Variants in SLC4A4 observed in about 807,000 individuals in gnomAD.
SLC4A4 encodes the protein solute carrier family 4 member 4.
SLC4A4 carries 27 observed loss-of-function variants against 111.5 expected under a neutral mutation model. The ratio of observed to expected loss-of-function variants is 0.24; its 90% CI spans 0.18 to 0.33. The LOEUF (loss-of-function observed/expected upper bound fraction) is 0.33, where lower values mean the gene tolerates loss of function less well. Among genes scored for constraint, SLC4A4 ranks in the 10% least tolerant of loss-of-function variants. The pLI is 1.00. For missense variants in SLC4A4, 909 were observed against 1,315.5 expected (o/e 0.69, Z 4.78); for synonymous variants, 443 against 463.4 (o/e 0.96, Z 0.57).
chr4:71,190,896 G>A (rs544491650), intron 1 of SLC4A4, among the ~76,000 whole-genome samples: 7 of 152,070 alleles, frequency 4.6e-5, no homozygotes, highest in African/African-American at 1.4e-4. Context: ...GAATATAGAC[G>A]GTTCCAGACT....
chr4:71,408,838 C>T (rs1480724825), intron 7 of SLC4A4, among the ~76,000 whole-genome samples: 1 of 152,058 alleles, frequency 6.6e-6, no homozygotes, highest in Non-Finnish European at 1.5e-5. Context: ...TGGCTGTGTC[C>T]CCACCCAAAT....
chr4:71,079,987 T>C (rs1031379049), intron 1 of SLC4A4, among the ~76,000 whole-genome samples: 6 of 152,004 alleles, frequency 3.9e-5, no homozygotes, highest in Non-Finnish European at 8.8e-5. Context: ...CTCCTGCCCG[T>C]GTGCTGCCAG....
chr4:71,066,201 A>G (rs894537840), intron 1 of SLC4A4, among the ~76,000 whole-genome samples: 1 of 152,224 alleles, frequency 6.6e-6, no homozygotes, highest in African/African-American at 2.4e-5. Flanking sequence ...TAACTTGGTC[A>G]AAGTAATAAT....
chr4:71,278,545 C>T (rs1361435819), intron 3 of SLC4A4, among the ~76,000 whole-genome samples: 1 of 152,108 alleles, frequency 6.6e-6, no homozygotes, highest in Non-Finnish European at 1.5e-5. Context: ...ATGGCTGTAC[C>T]AGTTTACATT....
intron 19 of SLC4A4, among the ~76,000 whole-genome samples, chr4:71,546,950 T>G (rs1735588388): frequency 6.6e-6 from 1 of 151,962 alleles, no homozygotes; most frequent in Admixed American, 6.6e-5. Flanking sequence ...CTGAGAAACT[T>G]TAACCTCCAG....
chr4:71,501,983 A>G (rs1036077185), intron 16 of SLC4A4, among the ~76,000 whole-genome samples: 2 of 151,380 alleles, frequency 1.3e-5, no homozygotes, highest in African/African-American at 4.9e-5. Flanking sequence ...TATTTTTGAG[A>G]TGGAGTCTTG....
chr4:71,125,111 T>A (rs746830291), intron 2 of SLC4A4, among the ~76,000 whole-genome samples: 2 of 152,210 alleles, frequency 1.3e-5, no homozygotes, highest in Non-Finnish European at 2.9e-5. Context: ...TTTCTATTTA[T>A]ATGTATCTGG....
chr4:71,324,740 A>G (rs534647545), intron 3 of SLC4A4, among the ~76,000 whole-genome samples: 26 of 152,178 alleles, frequency 1.7e-4, no homozygotes, highest in African/African-American at 5.5e-4. Context: ...ACGTTTTTGT[A>G]ATGTAAACCC....
intron 2 of SLC4A4, among the ~76,000 whole-genome samples, chr4:71,141,821 T>TA (rs1744006381): frequency 6.6e-6 from 1 of 152,190 alleles, no homozygotes; most frequent in African/African-American, 2.4e-5. Context: ...AGAACTAAAG[T>TA]GAATTGAATT....
intron 2 of SLC4A4, among the ~76,000 whole-genome samples, chr4:71,161,323 C>T (rs540057516): frequency 1.4e-4 from 21 of 152,300 alleles, no homozygotes; most frequent in African/African-American, 4.6e-4. Context: ...TACACGAACA[C>T]TTATTGCCCT....
chr4:71,372,620 A>G (rs926443599), intron 6 of SLC4A4, among the ~76,000 whole-genome samples: 4 of 152,214 alleles, frequency 2.6e-5, no homozygotes, highest in Admixed American at 2.6e-4. Flanking sequence ...TCAGACTCTC[A>G]GGTCTGAACT....
chr4:71,149,379 G>A (rs1224810040), intron 2 of SLC4A4, among the ~76,000 whole-genome samples: 2 of 152,024 alleles, frequency 1.3e-5, no homozygotes, highest in Non-Finnish European at 2.9e-5. Context: ...ATATGATTTT[G>A]GGGCATTGAT....
chr4:71,092,851 C>G (rs1742425112), intron 2 of SLC4A4, among the ~76,000 whole-genome samples: 1 of 152,162 alleles, frequency 6.6e-6, no homozygotes, highest in Non-Finnish European at 1.5e-5. Context: ...AATCCCAGCA[C>G]TTTGGGAGGC....
intron 15 of SLC4A4, among the ~76,000 whole-genome samples, chr4:71,487,501 A>G (rs970006409): frequency 6.6e-6 from 1 of 151,524 alleles, no homozygotes; most frequent in Non-Finnish European, 1.5e-5. Flanking sequence ...ATCCTTTCCC[A>G]TGGCTGGTAA....
chr4:71,419,629 G>T (rs1014889172), intron 7 of SLC4A4, among the ~76,000 whole-genome samples: 1 of 152,204 alleles, frequency 6.6e-6, no homozygotes, highest in Non-Finnish European at 1.5e-5. Flanking sequence ...AAGGGAACTC[G>T]CTGACCCCTT....
chr4:71,132,840 AT>A (rs1303213089), intron 2 of SLC4A4, among the ~76,000 whole-genome samples: 1 of 152,162 alleles, frequency 6.6e-6, no homozygotes, highest in African/African-American at 2.4e-5. Context: ...CTCTGTTATC[AT>A]TGTCCTCTTT....
chr4:71,481,068 C>T (rs1728835270), intron 14 of SLC4A4, among the ~76,000 whole-genome samples: 1 of 151,602 alleles, frequency 6.6e-6, no homozygotes, highest in Admixed American at 6.6e-5. Flanking sequence ...TGCACAGTAA[C>T]CTTATGAGGT....
At chr4:71,455,091 G>T (rs183230214) in intron 12 of SLC4A4, among the ~76,000 whole-genome samples, 42 of 152,298 alleles carry the variant, frequency 2.8e-4, no homozygotes, top group African/African-American at 9.4e-4. Context: ...ACTCAGCTTT[G>T]CTTTTTCCCA....
chr4:71,116,079 G>T (rs560510631), intron 2 of SLC4A4, among the ~76,000 whole-genome samples: 3 of 152,260 alleles, frequency 2.0e-5, no homozygotes, highest in African/African-American at 7.2e-5. Context: ...ATTTTTAGTA[G>T]AGATGGGGTT....
Sources: gnomAD v4.1 joint callset for allele counts (sites outside exome capture counted in the v4.1 genomes callset) on GRCh38, gnomAD v4.1.1 for gene constraint, MANE v1.5 for transcripts, NCBI Gene and HGNC (gene_info 2026-07-23, HGNC 2026-07-21) for gene names.